Variants in NAA15 observed in about 807,000 individuals in gnomAD.
NAA15 encodes the protein N-terminal acetyltransferase.
In NAA15, 34 loss-of-function variants were observed where a neutral mutation model predicts 114.0. The observed-to-expected ratio is 0.30, with a 90% CI of 0.23 to 0.40. The LOEUF (loss-of-function observed/expected upper bound fraction) is 0.40. Among genes scored for constraint, NAA15 ranks in the 10% least tolerant of loss-of-function variants. The pLI, the probability that NAA15 is intolerant of heterozygous loss-of-function variation, is 1.00. For synonymous variants in NAA15, 340 were observed against 338.0 expected, an observed-to-expected ratio of 1.01 and a Z score of -0.06; for missense variants, 658 against 1,004.5, an observed-to-expected ratio of 0.66 and a Z score of 4.66.
chr4:139,365,443 G>A (rs909279358), intron 14 of NAA15, among the ~76,000 whole-genome samples: 2 of 152,140 alleles, frequency 1.3e-5, no homozygotes, highest in Non-Finnish European at 2.9e-5. Context: ...CTTTTACCAT[G>A]ACTCTGAGTT....
chr4:139,349,590 G>A lies in NAA15; in HGVS notation c.811+9G>A, dbSNP rs749241673. The A allele has an allele frequency of 1.3e-6, 2 of 1,587,298 alleles. No homozygotes were observed. Among genetic ancestry groups the A allele is most frequent in the South Asian group, 2.4e-5 (2 of 84,648 alleles). On this transcript the variant is annotated intron_variant, in intron 7 of 19. Coordinates refer to ENST00000296543, the MANE Select transcript of NAA15 (RefSeq NM_057175.5). ...AAAAGCACTCAAGCCAGGTAGTATT[G>A]TTTAAAACTTACTAAGTTTTATTGT...
intron 1 of NAA15, among the ~76,000 whole-genome samples, chr4:139,308,542 T>C (rs1746103274): frequency 6.6e-6 from 1 of 152,228 alleles, no homozygotes; most frequent in Non-Finnish European, 1.5e-5. Context: ...AATCAAAAAA[T>C]GGAAACAAAG....
At chr4:139,380,394 C>A (rs1748716586) in intron 17 of NAA15, among the ~76,000 whole-genome samples, 1 of 151,992 alleles carries the variant, frequency 6.6e-6, no homozygotes, top group Non-Finnish European at 1.5e-5. Context: ...AAATAACATA[C>A]ACACTGTTAT....
chr4:139,349,672 T>C (rs757490185), intron 7 of NAA15, 91 bp downstream of exon 7: 404 of 1,316,718 alleles, frequency 3.1e-4, no homozygotes, highest in Non-Finnish European at 3.9e-4. Flanking sequence ...AGAATAATAG[T>C]GGTTAAGAAT....
At position 139,388,128 on chromosome 4, in the gene NAA15, G is replaced by T; in HGVS notation, c.*44G>T. 3.2e-6 allele frequency: 5 copies of T among 1,556,522 alleles called. No homozygotes were observed. The highest frequency in any genetic ancestry group is 4.4e-6 in the Non-Finnish European group (5 of 1,135,390). Reference sequence around the variant, plus strand: ...ATGGAATGACTTTGGACCATATCTAGTATATAATATTTTTGTCACGCACCT... The same window carrying T: ...ATGGAATGACTTTGGACCATATCTATTATATAATATTTTTGTCACGCACCT... On this transcript the variant is annotated 3_prime_UTR_variant, in exon 20 of 20. Coordinates refer to ENST00000296543, the MANE Select transcript of NAA15 (RefSeq NM_057175.5).
At chr4:139,340,200 T>G (rs1321648848) in intron 3 of NAA15, among the ~76,000 whole-genome samples, 1 of 152,090 alleles carries the variant, frequency 6.6e-6, no homozygotes, top group East Asian at 1.9e-4. Flanking sequence ...TGTGTGCCTG[T>G]AGTCGCAGCT....
intron 15 of NAA15, among the ~76,000 whole-genome samples, chr4:139,376,063 C>G (rs1400981011): frequency 2.6e-5 from 4 of 152,046 alleles, no homozygotes; most frequent in Admixed American, 1.3e-4. Flanking sequence ...TTCTTTCTTC[C>G]CCCTTGGCTA....
rs116543033 is a variant in NAA15, at chr4:139,377,664, T to C, written c.2057-1092T>C. On this transcript the variant is annotated intron_variant, in intron 16 of 19. Transcript: ENST00000296543. ...AATTTTATTAATATATTTACATAGG[T>C]ATATAATATAGAAGTGGCTGGAAAG... Among the ~76,000 whole-genome samples the C allele has an allele frequency of 2.6e-3, 391 of 152,262 alleles. 2 individuals are homozygous for C. Among genetic ancestry groups the C allele is most frequent in the African/African-American group, 8.3e-3 (343 of 41,554 alleles).
intron 6 of NAA15, among the ~76,000 whole-genome samples, chr4:139,345,977 G>A (rs1330623478): frequency 6.6e-6 from 1 of 152,108 alleles, no homozygotes; most frequent in Non-Finnish European, 1.5e-5. Flanking sequence ...ACATGACTCA[G>A]TTGAGGAGTT....
At chr4:139,322,336 C>T (rs1219756958) in intron 1 of NAA15, among the ~76,000 whole-genome samples, 1 of 152,210 alleles carries the variant, frequency 6.6e-6, no homozygotes, top group Non-Finnish European at 1.5e-5. Context: ...GCATGCCTTT[C>T]ACCTTCTGCC....
intron 3 of NAA15, 26 bp from the exon 4 acceptor site, chr4:139,340,886 G>A (rs1212341122): frequency 4.0e-6 from 6 of 1,511,724 alleles, no homozygotes; most frequent in Non-Finnish European, 4.4e-6. Flanking sequence ...TGACTTGTAG[G>A]TTGTACCCTT....
At chr4:139,366,800 G>A (rs1338253492) in intron 14 of NAA15, among the ~76,000 whole-genome samples, 1 of 152,030 alleles carries the variant, frequency 6.6e-6, no homozygotes, top group African/African-American at 2.4e-5. Context: ...GTAGAGGTGG[G>A]GTCTTGCTAT....
intron 3 of NAA15, among the ~76,000 whole-genome samples, chr4:139,339,995 G>A (rs1747329033): frequency 6.6e-6 from 1 of 152,010 alleles, no homozygotes; most frequent in African/African-American, 2.4e-5. Context: ...TTTTAATATA[G>A]GAGGCTATTT....
At chr4:139,330,241 T>C (rs1746955962) in intron 1 of NAA15, among the ~76,000 whole-genome samples, 1 of 152,238 alleles carries the variant, frequency 6.6e-6, no homozygotes, top group Non-Finnish European at 1.5e-5. Context: ...CTTTTAATTA[T>C]GTTAGTCTTT....
chr4:139,361,699 A>C, intron 13 of NAA15, 25 bp from the exon 14 acceptor site: 1 of 1,424,592 alleles, frequency 7.0e-7, no homozygotes, highest in Non-Finnish European at 9.6e-7. Flanking sequence ...ACTTCGGTAT[A>C]ATAATAAAAA....
In NAA15 at chr4:139,353,478, T is replaced by G. The variant is rs904898761; in HGVS notation, c.1015-548T>G. ...GTAGTAAATAAAAAATGCTCAGAGA[T>G]CTCTCAGGAAGCCAGGAGCGAGTAG... On this transcript the variant is annotated intron_variant, in intron 9 of 19. Coordinates refer to ENST00000296543, the MANE Select transcript of NAA15 (RefSeq NM_057175.5). Among the ~76,000 whole-genome samples the G allele has an allele frequency of 3.9e-5, 6 of 152,188 alleles. No individual in the cohort carries two copies. The East Asian group carries it at 1.2e-3, about 29-fold the overall frequency.
intron 15 of NAA15, among the ~76,000 whole-genome samples, chr4:139,370,930 A>C (rs550222395): frequency 6.6e-6 from 1 of 152,190 alleles, no homozygotes; most frequent in African/African-American, 2.4e-5. Context: ...TTTCTTTTCT[A>C]GCCTAAGGCT....
intron 1 of NAA15, among the ~76,000 whole-genome samples, chr4:139,314,792 C>T (rs113502358): frequency 0.034 from 5,165 of 151,796 alleles, 172 homozygotes; most frequent in Middle Eastern, 0.075. Flanking sequence ...ATTCTCCTGC[C>T]TCAGCCTCCT....
chr4:139,354,535 G>A (rs2110942233), intron 10 of NAA15, among the ~76,000 whole-genome samples: 1 of 152,298 alleles, frequency 6.6e-6, no homozygotes, highest in South Asian at 2.1e-4. Flanking sequence ...CTGGGCTCAA[G>A]TGATCCTCTT....
Sources: gnomAD v4.1 joint callset for allele counts (sites outside exome capture counted in the v4.1 genomes callset) on GRCh38, gnomAD v4.1.1 for gene constraint, MANE v1.5 for transcripts, NCBI Gene and HGNC (gene_info 2026-07-23, HGNC 2026-07-21) for gene names.